The following GRIP1 variants were observed in gnomAD, a reference collection of about 807,000 sequenced individuals.
GRIP1 encodes glutamate receptor-interacting protein 1.
In GRIP1, 45 loss-of-function variants were observed where a neutral mutation model predicts 129.9. The observed-to-expected ratio is 0.35, with a 90% CI of 0.27 to 0.44. GRIP1 has a LOEUF of 0.44. Ranked by LOEUF, GRIP1 falls within the 20% of genes least tolerant of loss-of-function variation. The pLI, the probability that GRIP1 is intolerant of heterozygous loss-of-function variation, is 1.00. For synonymous variants in GRIP1, 530 were observed against 520.8 expected (o/e 1.02, Z -0.24); for missense variants, 1,196 against 1,396.8 (o/e 0.86, Z 2.29).
At chr12:66,750,209 C>T (rs1227285613) in intron 1 of GRIP1, among the ~76,000 whole-genome samples, 2 of 152,172 alleles carry the variant, frequency 1.3e-5, no homozygotes, top group Admixed American at 6.5e-5. Context: ...GGGGAGAATT[C>T]TATGATATCC....
At chr12:66,462,330 T>G (rs2059158594) in intron 9 of GRIP1, among the ~76,000 whole-genome samples, 1 of 152,240 alleles carries the variant, frequency 6.6e-6, no homozygotes, top group South Asian at 2.1e-4. Flanking sequence ...CCACTTTACT[T>G]ATTTATTTTT....
chr12:66,547,140 G>A (rs2061972113), intron 2 of GRIP1, among the ~76,000 whole-genome samples: 1 of 152,182 alleles, frequency 6.6e-6, no homozygotes, highest in Non-Finnish European at 1.5e-5. Flanking sequence ...ATATACAGAT[G>A]GCAGGTAAGT....
At chr12:66,707,503 TAAA>T (rs58564255) in intron 1 of GRIP1, among the ~76,000 whole-genome samples, 8 of 64,038 alleles carry the variant, frequency 1.2e-4, no homozygotes, top group African/African-American at 2.9e-4. Flanking sequence ...AATCACTGAC[TAAA>T]AAAAAAAAAA....
chr12:66,355,144 G>A (rs796758873), intron 23 of GRIP1, among the ~76,000 whole-genome samples: 9 of 152,244 alleles, frequency 5.9e-5, no homozygotes, highest in African/African-American at 2.2e-4. Flanking sequence ...ACCCACCCCA[G>A]ACCGACTGAG....
At chr12:66,573,182 T>A (rs2063023399) in intron 2 of GRIP1, among the ~76,000 whole-genome samples, 1 of 152,130 alleles carries the variant, frequency 6.6e-6, no homozygotes. Context: ...AGGCTGGGGC[T>A]GAAGGCAGCC....
chr12:66,554,079 T>C (rs1380281904), intron 2 of GRIP1, among the ~76,000 whole-genome samples: 3 of 152,080 alleles, frequency 2.0e-5, no homozygotes, highest in Non-Finnish European at 2.9e-5. Flanking sequence ...CCAGCTGGGG[T>C]GGCTAAGGGA....
At chr12:66,914,739 G>A (rs970458051) in intron 1 of GRIP1, among the ~76,000 whole-genome samples, 9 of 152,102 alleles carry the variant, frequency 5.9e-5, no homozygotes, top group South Asian at 4.1e-4. Context: ...TCAAGAATCC[G>A]AAACCTGAAA....
At chr12:66,968,304 T>A (rs2042025343) in intron 1 of GRIP1, among the ~76,000 whole-genome samples, 1 of 152,164 alleles carries the variant, frequency 6.6e-6, no homozygotes, top group Non-Finnish European at 1.5e-5. Context: ...TGTATAATTC[T>A]CCATCCCTTT....
chr12:66,853,846 T>G (rs1236206483), intron 1 of GRIP1, among the ~76,000 whole-genome samples: 2 of 152,066 alleles, frequency 1.3e-5, no homozygotes, highest in Non-Finnish European at 2.9e-5. Context: ...TGACAATTCT[T>G]GAATATGATT....
intron 1 of GRIP1, among the ~76,000 whole-genome samples, chr12:66,652,375 T>C (rs1247067551): frequency 1.3e-5 from 2 of 152,300 alleles, no homozygotes; most frequent in Admixed American, 1.3e-4. Context: ...AAGACATGCC[T>C]GCTTCTCCTT....
At chr12:66,443,558 G>A (rs1393067655) in intron 13 of GRIP1, among the ~76,000 whole-genome samples, 7 of 151,610 alleles carry the variant, frequency 4.6e-5, no homozygotes, top group East Asian at 3.9e-4. Flanking sequence ...GGGTTCAGGC[G>A]ATTCTCTGGC....
intron 6 of GRIP1, 42 bp downstream of exon 6, chr12:66,517,859 T>C (rs2138951657): frequency 9.8e-7 from 1 of 1,019,308 alleles, no homozygotes. Context: ...CCCAGCTTTA[T>C]TTATTCTATT....
At chr12:66,814,397 T>C (rs1197701264) in intron 1 of GRIP1, among the ~76,000 whole-genome samples, 1 of 152,140 alleles carries the variant, frequency 6.6e-6, no homozygotes, top group African/African-American at 2.4e-5. Context: ...TTCATTTTCA[T>C]TCACTTTATT....
intron 24 of GRIP1, 49 bp from the exon 25 acceptor site, chr12:66,349,295 C>T (rs1177544875): frequency 6.9e-7 from 1 of 1,454,176 alleles, no homozygotes; most frequent in East Asian, 2.3e-5. Context: ...AACCATAATT[C>T]CCAAAACCCG....
intron 11 of GRIP1, among the ~76,000 whole-genome samples, chr12:66,446,297 C>T (rs1057119918): frequency 7.2e-5 from 11 of 152,120 alleles, no homozygotes; most frequent in African/African-American, 2.4e-4. Flanking sequence ...TCCACTCCTC[C>T]ATGTCTTTCT....
At chr12:66,613,360 T>C (rs1488821271) in intron 1 of GRIP1, among the ~76,000 whole-genome samples, 3 of 152,208 alleles carry the variant, frequency 2.0e-5, no homozygotes, top group African/African-American at 7.2e-5. Flanking sequence ...ATTTATTCCA[T>C]TAAGTACCTC....
chr12:66,828,895 T>C (rs1266769213), intron 1 of GRIP1, among the ~76,000 whole-genome samples: 1 of 152,192 alleles, frequency 6.6e-6, no homozygotes, highest in East Asian at 1.9e-4. Context: ...ATAAGTGCTG[T>C]TGTTCATAGA....
In GRIP1 at chr12:66,515,758, G is replaced by A; in HGVS notation, c.585C>T (p.Gly195=). The change falls in exon 7 of 25, where the codon GGC becomes GGT. Residue 195 remains glycine (G), a synonymous_variant. Coordinates refer to ENST00000359742, the MANE Select transcript of GRIP1 (RefSeq NM_001366722.1). The part of the protein sequence containing the change: ...VRPGGPADRE[G]TIKPGDRLLS... ...GCAACCTGTCACCGGGTTTGATCGT[G>A]CCCTCTCTGAAGGGAGAATAAAGGA... 1 of 1,613,324 alleles carries A rather than the reference G, an allele frequency of 6.2e-7. No homozygotes were observed. Among genetic ancestry groups the A allele is most frequent in the Non-Finnish European group, 8.5e-7 (1 of 1,179,330 alleles).
intron 1 of GRIP1, among the ~76,000 whole-genome samples, chr12:66,634,982 C>T (rs2031214191): frequency 6.6e-6 from 1 of 152,192 alleles, no homozygotes; most frequent in South Asian, 2.1e-4. Flanking sequence ...GTTCATTTGG[C>T]TATTGTTTTT....
Sources: gnomAD v4.1 joint callset for allele counts (sites outside exome capture counted in the v4.1 genomes callset) on GRCh38, gnomAD v4.1.1 for gene constraint, MANE v1.5 for transcripts, NCBI Gene and HGNC (gene_info 2026-07-23, HGNC 2026-07-21) for gene names.